The following DLG2 variants were observed in gnomAD, a reference collection of about 807,000 sequenced individuals.
DLG2 encodes discs large MAGUK scaffold protein 2, also known as disks large homolog 2.
A neutral mutation model predicts 132.5 loss-of-function variants in DLG2; 45 were observed. The observed-to-expected ratio is 0.34, with a 90% CI of 0.27 to 0.44. The LOEUF (loss-of-function observed/expected upper bound fraction) is 0.44. Ranked by LOEUF, DLG2 falls within the 20% of genes least tolerant of loss-of-function variation. The pLI, the probability that DLG2 is intolerant of heterozygous loss-of-function variation, is 1.00. For missense variants in DLG2, 1,045 were observed against 1,196.9 expected (o/e 0.87, Z 1.87); for synonymous variants, 424 against 419.6 (o/e 1.01, Z -0.13).
In DLG2 at chr11:83,889,529, C is replaced by T. The variant is rs564716989; in HGVS notation, c.1497-15041G>A. On this transcript the variant is annotated intron_variant, in intron 15 of 27. Transcript: ENST00000376104. The stretch of plus-strand genomic sequence containing the variant: ...TGGTGGGACTGTAAACTAGTTCAAC[C>T]ATTGTGGAAGTCAGTGTGGTGATTC... Among the ~76,000 whole-genome samples, 161 of 152,298 alleles carry T rather than the reference C, an allele frequency of 1.1e-3. 1 individual carries two copies. Among genetic ancestry groups the T allele is most frequent in the African/African-American group, 3.7e-3 (152 of 41,556 alleles).
intron 6 of DLG2, among the ~76,000 whole-genome samples, chr11:84,908,206 G>GA (rs1165827160): frequency 2.0e-5 from 3 of 151,358 alleles, no homozygotes; most frequent in African/African-American, 4.8e-5. Context: ...GAAAAAAGTG[G>GA]AAAAAAAGAG....
rs1019991389 is a variant in DLG2, at chr11:84,921,865, C to A, written c.357+189796G>T. Reference sequence around the variant, plus strand: ...TTATTTTTTTCATGTTGTTTACTGTCTACATCTTATACATGGAGGAAAATT... The same window carrying A: ...TTATTTTTTTCATGTTGTTTACTGTATACATCTTATACATGGAGGAAAATT... On this transcript the variant is annotated intron_variant, in intron 6 of 27. Coordinates refer to ENST00000376104, the MANE Select transcript of DLG2 (RefSeq NM_001142699.3). Among the ~76,000 whole-genome samples the A allele has an allele frequency of 3.3e-5, 5 of 152,052 alleles. No individual in the cohort carries two copies. In the East Asian group the frequency reaches 9.6e-4, roughly 29 times the overall value.
In DLG2 at chr11:83,850,153, TGTGTG is replaced by T. The variant is rs1157902458; in HGVS notation, c.1566-16388_1566-16384del. ...GTGTGTGTGTGTGTGTGTGTGTGTG[TGTGTG>T]TGTTTTTTTACTTGAGACGGAGTCT... On this transcript the variant is annotated intron_variant, in intron 16 of 27. Transcript: ENST00000376104. Among the ~76,000 whole-genome samples, 591 of 134,362 alleles carry T rather than the reference TGTGTG, an allele frequency of 4.4e-3. 9 individuals are homozygous for T. Among genetic ancestry groups the T allele is most frequent in the African/African-American group, 0.019 (569 of 30,726 alleles). The allele number at this position is 134,362 out of a possible 152,430, so 88.1% of individuals were successfully genotyped here.
chr11:84,012,796 A>C (rs1332046855), intron 11 of DLG2, among the ~76,000 whole-genome samples: 2 of 152,156 alleles, frequency 1.3e-5, no homozygotes, highest in Non-Finnish European at 2.9e-5. Flanking sequence ...AAAGAATCTT[A>C]TAATTGGAAG....
chr11:83,725,017 G>C (rs1338391457), intron 18 of DLG2: 2 of 657,324 alleles, frequency 3.0e-6, no homozygotes, highest in African/African-American at 1.8e-5. Context: ...AGCCTGTTAG[G>C]AGTGAAGCAG....
chr11:84,856,194 C>T (rs996017864), intron 6 of DLG2, among the ~76,000 whole-genome samples: 2 of 151,928 alleles, frequency 1.3e-5, no homozygotes, highest in Admixed American at 6.6e-5. Flanking sequence ...AATCCTTCTT[C>T]GAAAAAACAG....
chr11:84,155,910 T>G (rs770846270), intron 9 of DLG2, among the ~76,000 whole-genome samples: 2 of 152,178 alleles, frequency 1.3e-5, no homozygotes, highest in Non-Finnish European at 2.9e-5. Flanking sequence ...AATTTTAGGA[T>G]AAAAATGACA....
At chr11:84,270,344 G>T (rs1215494641) in intron 7 of DLG2, among the ~76,000 whole-genome samples, 1 of 152,150 alleles carries the variant, frequency 6.6e-6, no homozygotes, top group Non-Finnish European at 1.5e-5. Context: ...AGATGAACTT[G>T]CTTGAGACTC....
intron 19 of DLG2, among the ~76,000 whole-genome samples, chr11:83,628,732 T>G (rs2063051867): frequency 6.6e-6 from 1 of 152,148 alleles, no homozygotes; most frequent in Admixed American, 6.6e-5. Flanking sequence ...CCTCGATATG[T>G]TTAATATAAG....
chr11:84,729,678 T>G (rs1294197825), intron 6 of DLG2, among the ~76,000 whole-genome samples: 1 of 152,048 alleles, frequency 6.6e-6, no homozygotes, highest in Non-Finnish European at 1.5e-5. Context: ...TTTATCTAAG[T>G]CATACTTAGA....
intron 12 of DLG2, among the ~76,000 whole-genome samples, chr11:83,974,614 A>G (rs1565873555): frequency 7.2e-6 from 1 of 138,502 alleles, no homozygotes; most frequent in Non-Finnish European, 1.6e-5. Flanking sequence ...TACAAGTTGC[A>G]GAATTTAGCA....
chr11:83,556,613 G>A (rs1024959582), intron 19 of DLG2, among the ~76,000 whole-genome samples: 1 of 152,028 alleles, frequency 6.6e-6, no homozygotes, highest in Admixed American at 6.6e-5. Flanking sequence ...CTCAAGTGAT[G>A]CTCCTGTCTC....
At chr11:83,491,376 TG>T (rs1321032888) in intron 21 of DLG2, among the ~76,000 whole-genome samples, 3 of 152,022 alleles carry the variant, frequency 2.0e-5, no homozygotes, top group African/African-American at 7.2e-5. Context: ...TCTCAAAAAA[TG>T]AAATTCAATT....
At chr11:84,060,406 G>A (rs1049871421) in intron 10 of DLG2, among the ~76,000 whole-genome samples, 2 of 151,926 alleles carry the variant, frequency 1.3e-5, no homozygotes, top group Admixed American at 1.3e-4. Context: ...TCTCCACCTC[G>A]ATTCATCTTA....
chr11:85,130,993 G>A (rs552570383), intron 5 of DLG2, among the ~76,000 whole-genome samples: 4 of 151,926 alleles, frequency 2.6e-5, no homozygotes, highest in East Asian at 2.0e-4. Context: ...AGAAATGTTC[G>A]TGGATATAAC....
At chr11:85,193,254 C>CT (rs1470568848) in intron 4 of DLG2, among the ~76,000 whole-genome samples, 1 of 152,162 alleles carries the variant, frequency 6.6e-6, no homozygotes, top group Non-Finnish European at 1.5e-5. Context: ...GCAGCACACG[C>CT]TTTTTATGGC....
chr11:84,526,369 G>C (rs891267516), intron 7 of DLG2, among the ~76,000 whole-genome samples: 1 of 152,088 alleles, frequency 6.6e-6, no homozygotes, highest in Non-Finnish European at 1.5e-5. Context: ...GGAGTAAAAT[G>C]AAAAGCAAAA....
At chr11:84,463,072 G>C (rs959158583) in intron 7 of DLG2, among the ~76,000 whole-genome samples, 2 of 151,174 alleles carry the variant, frequency 1.3e-5, no homozygotes, top group African/African-American at 4.8e-5. Context: ...AAATCTCTGA[G>C]CCAGCACCTT....
intron 17 of DLG2, among the ~76,000 whole-genome samples, chr11:83,813,681 T>A (rs1275177005): frequency 6.6e-6 from 1 of 152,166 alleles, no homozygotes; most frequent in Non-Finnish European, 1.5e-5. Context: ...ATGCCTCTTT[T>A]GGTTCTAATG....
Sources: gnomAD v4.1 joint callset for allele counts (sites outside exome capture counted in the v4.1 genomes callset) on GRCh38, gnomAD v4.1.1 for gene constraint, MANE v1.5 for transcripts, NCBI Gene and HGNC (gene_info 2026-07-23, HGNC 2026-07-21) for gene names.